The following SCFD1 variants were observed in gnomAD, a reference collection of about 807,000 sequenced individuals.
SCFD1 encodes the protein sec1 family domain containing 1, also known as sec1 family domain-containing protein 1.
SCFD1 carries 37 observed loss-of-function variants against 103.2 expected under a neutral mutation model. The observed-to-expected ratio is 0.36, with a 90% CI of 0.28 to 0.47. The LOEUF is 0.47. Ranked by LOEUF, SCFD1 falls within the 20% of genes least tolerant of loss-of-function variation. The probability of loss-of-function intolerance (pLI) is 1.00; values close to 1 mark genes in which losing one functional copy is unlikely to be tolerated. For missense variants in SCFD1, 639 were observed against 761.2 expected (o/e 0.84, Z 1.89); for synonymous variants, 264 against 245.0 (o/e 1.08, Z -0.73).
In SCFD1 at chr14:30,678,898, T is replaced by A. The variant is rs187829247; in HGVS notation, c.1242+3833T>A. ...TTCTTATAGACAGTCTTATAGGGAC[T>A]GAATTAGATCTAAAGACATCATCTG... is the stretch of plus-strand genomic sequence containing the variant. On this transcript the variant is annotated intron_variant, in intron 14 of 24. Coordinates refer to ENST00000458591, the MANE Select transcript of SCFD1 (RefSeq NM_016106.4). Among the ~76,000 whole-genome samples the A allele has an allele frequency of 1.8e-3, 276 of 152,352 alleles. 7 individuals are homozygous for A. Among genetic ancestry groups the A allele is most frequent in the Admixed American group, 0.016 (249 of 15,310 alleles).
chr14:30,732,776 TCTAA>T lies in SCFD1; in HGVS notation c.1837-2011_1837-2008del, dbSNP rs148976012. Among the ~76,000 whole-genome samples, 842 of 152,354 alleles carry T rather than the reference TCTAA, an allele frequency of 5.5e-3. 10 individuals carry two copies. The highest frequency in any genetic ancestry group is 0.019 in the African/African-American group (773 of 41,586). Reference sequence around the variant, plus strand: ...CTGATTTATTTAGTAATGTTGTTAATCTAACTCACAATGTAAATGCTATTTGGTA... The same window carrying T: ...CTGATTTATTTAGTAATGTTGTTAATCTCACAATGTAAATGCTATTTGGTA... On this transcript the variant is annotated intron_variant, in intron 23 of 24. Coordinates refer to ENST00000458591, the MANE Select transcript of SCFD1 (RefSeq NM_016106.4).
chr14:30,649,286 T>C (rs1337697921), intron 7 of SCFD1, among the ~76,000 whole-genome samples: 1 of 152,118 alleles, frequency 6.6e-6, no homozygotes, highest in Non-Finnish European at 1.5e-5. Flanking sequence ...ATGGGTGCAC[T>C]AAAAGCCCAG....
chr14:30,683,168 T>C, intron 14 of SCFD1: 1 of 1,103,318 alleles, frequency 9.1e-7, no homozygotes, highest in Non-Finnish European at 1.4e-6. Flanking sequence ...TGGGTTCTCC[T>C]AGTAGGCTGG....
At chr14:30,703,910 C>CATATATATATATATATAT (rs71443380) in intron 17 of SCFD1, among the ~76,000 whole-genome samples, 1 of 39,522 alleles carries the variant, frequency 2.5e-5, no homozygotes. Flanking sequence ...GGAATATTTG[C>CATATATATATATATATAT]ATATATATAT....
intron 1 of SCFD1, among the ~76,000 whole-genome samples, chr14:30,625,719 G>GTATACC (rs1566568588): frequency 2.7e-3 from 363 of 135,340 alleles, no homozygotes; most frequent in African/African-American, 8.1e-3. Context: ...AGGTATATAG[G>GTATACC]TATATAGGTA....
At chr14:30,644,475 A>G (rs1885608075) in intron 7 of SCFD1, among the ~76,000 whole-genome samples, 1 of 152,210 alleles carries the variant, frequency 6.6e-6, no homozygotes, top group Admixed American at 6.5e-5. Context: ...AACAGCGTAT[A>G]AGTGTTCCCT....
At chr14:30,676,069 CA>C (rs1889009054) in intron 14 of SCFD1, 1 of 152,086 alleles carries the variant, frequency 6.6e-6, no homozygotes, top group African/African-American at 2.4e-5. Flanking sequence ...TGTGAAATGG[CA>C]AAAGGCTGTT....
Position 30,630,514 on chromosome 14 carries a change from C to T in SCFD1, c.170C>T (p.Ser57Phe), listed in dbSNP as rs1883996241. The change falls in exon 3 of 25, where the codon TCT (serine) becomes TTT (phenylalanine). Residue 57 changes from serine to phenylalanine, a missense_variant. Physicochemically the swap from Ser to Phe is radical, Grantham distance 155. Coordinates refer to ENST00000458591, the MANE Select transcript of SCFD1 (RefSeq NM_016106.4). ...GACAGATTTGGCCAAGATATAATCT[C>T]TCCTCTGCTATCTGTGAAGGAGCTA... is the stretch of plus-strand genomic sequence containing the variant. The part of the protein sequence containing the change: ...IYDRFGQDII[S>F]PLLSVKELRD... The T allele has an allele frequency of 6.2e-7, 1 of 1,604,950 alleles. No individual in the cohort carries two copies. Among genetic ancestry groups the T allele is most frequent in the African/African-American group, 1.3e-5 (1 of 74,448 alleles).
intron 15 of SCFD1, among the ~76,000 whole-genome samples, chr14:30,697,028 A>G (rs147918314): frequency 5.3e-5 from 8 of 152,278 alleles, no homozygotes; most frequent in South Asian, 2.1e-4. Flanking sequence ...TTTTCGCTAT[A>G]TATCTGTTCA....
At chr14:30,674,877 C>CTGT (rs1446695810) in intron 13 of SCFD1, 107 bp from the exon 14 acceptor site, 11 of 537,424 alleles carry the variant, frequency 2.0e-5, no homozygotes, top group Non-Finnish European at 3.6e-5. Flanking sequence ...CATCTTGTTA[C>CTGT]TGTTTCACTG....
intron 20 of SCFD1, among the ~76,000 whole-genome samples, chr14:30,716,754 CTTTTTTGTAATTGTCAGAACA>C (rs1892306475): frequency 6.6e-6 from 1 of 152,108 alleles, no homozygotes; most frequent in Non-Finnish European, 1.5e-5. Context: ...TGAGTGTCAC[CTTTTTTGTAATTGTCAGAACA>C]TGACTGTAAT....
At chr14:30,731,730 T>C (rs1424715524) in intron 23 of SCFD1, among the ~76,000 whole-genome samples, 3 of 152,246 alleles carry the variant, frequency 2.0e-5, no homozygotes, top group Admixed American at 2.0e-4. Context: ...CTGAAGTTGC[T>C]TATCTGCTTA....
intron 14 of SCFD1, among the ~76,000 whole-genome samples, chr14:30,678,164 T>C (rs1889196469): frequency 1.3e-5 from 2 of 152,108 alleles, no homozygotes; most frequent in South Asian, 4.1e-4. Context: ...AGCTAGAAGA[T>C]TGTGTCATGT....
chr14:30,712,859 G>A (rs1891986237), intron 19 of SCFD1, among the ~76,000 whole-genome samples: 1 of 152,060 alleles, frequency 6.6e-6, no homozygotes, highest in African/African-American at 2.4e-5. Flanking sequence ...CAAAAAATAT[G>A]CTTGAGAATT....
intron 14 of SCFD1, among the ~76,000 whole-genome samples, chr14:30,678,209 A>G (rs900578044): frequency 8.5e-5 from 13 of 152,206 alleles, no homozygotes; most frequent in African/African-American, 2.9e-4. Context: ...ATTTGACTGT[A>G]TTAGTTTTAC....
chr14:30,695,042 G>A (rs1175069494), intron 15 of SCFD1, among the ~76,000 whole-genome samples, 173 bp downstream of exon 15: 5 of 152,086 alleles, frequency 3.3e-5, no homozygotes, highest in Admixed American at 2.0e-4. Flanking sequence ...TTCCTACAGT[G>A]GAAAAATAAT....
intron 10 of SCFD1, among the ~76,000 whole-genome samples, chr14:30,660,331 C>T (rs1251236480): frequency 6.6e-6 from 1 of 152,124 alleles, no homozygotes; most frequent in Non-Finnish European, 1.5e-5. Flanking sequence ...GATTAGATCT[C>T]ATTCAATTCT....
chr14:30,721,881 C>A lies in SCFD1; in HGVS notation c.1737-3C>A, dbSNP rs774612072. ...TTTTCATTACGGTTTTTCTTTATTA[C>A]AGCTCAGTTCCCAGAAATAAAAATC... On this transcript the variant is annotated splice_region_variant and splice_polypyrimidine_tract_variant and intron_variant, in intron 21 of 24. Transcript: ENST00000458591. 2 of 1,606,936 alleles carry A rather than the reference C, an allele frequency of 1.2e-6. No homozygotes were observed. The highest frequency in any genetic ancestry group is 1.7e-6 in the Non-Finnish European group (2 of 1,175,304).
At chr14:30,661,910 G>T (rs1022334834) in intron 10 of SCFD1, among the ~76,000 whole-genome samples, 4 of 151,984 alleles carry the variant, frequency 2.6e-5, no homozygotes, top group African/African-American at 9.7e-5. Flanking sequence ...TGATATATTA[G>T]TCTGTTGATT....
Sources: allele counts gnomAD v4.1 joint callset (sites outside exome capture counted in the v4.1 genomes callset), GRCh38; gene constraint gnomAD v4.1.1; transcripts MANE v1.5; gene names NCBI Gene and HGNC (gene_info 2026-07-23, HGNC 2026-07-21).